The following LINGO1 variants were observed in gnomAD, a reference collection of about 807,000 sequenced individuals.
LINGO1 encodes the protein leucine rich repeat and Ig domain containing 1.
A neutral mutation model predicts 37.3 loss-of-function variants in LINGO1; 11 were observed. The ratio of observed to expected loss-of-function variants is 0.29; its 90% CI spans 0.19 to 0.49. The LOEUF (loss-of-function observed/expected upper bound fraction) is 0.49, where lower values mean the gene tolerates loss of function less well. Ranked by LOEUF, LINGO1 falls within the 20% of genes least tolerant of loss-of-function variation. The pLI is 0.99. For missense variants in LINGO1, 585 were observed against 878.2 expected (o/e 0.67, Z 4.22); for synonymous variants, 387 against 403.0 (o/e 0.96, Z 0.48).
In LINGO1 at chr15:77,773,420, C is replaced by A. The variant is rs189914717; in HGVS notation, c.-257+13449G>T. On this transcript the variant is annotated intron_variant, in intron 1 of 3. Transcript: ENST00000561686. ...CAGCAGCCCCTGATGTTGGCAGAGT[C>A]CCGACTTTACAGATGAGGCTGGTCG... is the stretch of plus-strand genomic sequence containing the variant. Among the ~76,000 whole-genome samples the A allele has an allele frequency of 2.5e-4, 38 of 152,284 alleles. No individual in the cohort carries two copies. In the East Asian group the frequency reaches 3.7e-3, roughly 15 times the overall value.
chr15:77,677,706 C>A (rs542492430), intron 2 of LINGO1, among the ~76,000 whole-genome samples: 1 of 152,118 alleles, frequency 6.6e-6, no homozygotes, highest in Non-Finnish European at 1.5e-5. Flanking sequence ...CAGCTGACCC[C>A]GCCTTGGGAA....
upstream of LINGO1, among the ~76,000 whole-genome samples, chr15:77,699,773 A>ACCTGCACACAGTAAGCACATAC (rs2075756865): frequency 2.7e-5 from 4 of 149,878 alleles, no homozygotes; most frequent in East Asian, 2.0e-4. Flanking sequence ...ACTAACCATC[A>ACCTGCACACAGTAAGCACATAC]TTCCCCCCCT....
intron 1 of LINGO1, among the ~76,000 whole-genome samples, chr15:77,745,843 C>T (rs2076309214): frequency 6.6e-6 from 1 of 152,150 alleles, no homozygotes; most frequent in Admixed American, 6.5e-5. Context: ...TTGTGGGGGA[C>T]TGTGTGATGG....
intron 1 of LINGO1, among the ~76,000 whole-genome samples, chr15:77,759,528 G>A (rs773730634): frequency 6.6e-6 from 1 of 152,246 alleles, no homozygotes; most frequent in Non-Finnish European, 1.5e-5. Context: ...AACAGTAAGT[G>A]AGGTTGTATA....
At chr15:77,678,948 T>G (rs1293139424) in intron 2 of LINGO1, among the ~76,000 whole-genome samples, 2 of 152,328 alleles carry the variant, frequency 1.3e-5, no homozygotes, top group East Asian at 3.9e-4. Context: ...TCACCCTGGC[T>G]GGAGTGCAGT....
chr15:77,739,460 C>T (rs1304415129), intron 1 of LINGO1, among the ~76,000 whole-genome samples: 1 of 152,262 alleles, frequency 6.6e-6, no homozygotes, highest in African/African-American at 2.4e-5. Context: ...GCCCCTGGTC[C>T]TACTTCTGTG....
chr15:77,805,025 G>A (rs929261987), intron 1 of LINGO1, among the ~76,000 whole-genome samples: 1 of 152,216 alleles, frequency 6.6e-6, no homozygotes. Flanking sequence ...CCTCGGCCTG[G>A]CCTGGGTCAC....
chr15:77,655,458 C>T (rs915085344), intron 3 of LINGO1, among the ~76,000 whole-genome samples: 2 of 152,126 alleles, frequency 1.3e-5, no homozygotes, highest in Non-Finnish European at 2.9e-5. Context: ...GGTCCTACCG[C>T]CACACCTCTG....
chr15:77,735,147 C>G lies in LINGO1; in HGVS notation c.-256-94G>C, dbSNP rs140904184. On this transcript the variant is annotated intron_variant, in intron 1 of 3. Coordinates refer to the LINGO1 transcript ENST00000561686. ...CAACCCCACCCAAGTCTCTGCCCAGCCTGGGCTTCCCTGTGTACTGGGCCA... is the reference window on the plus strand; with the variant it reads ...CAACCCCACCCAAGTCTCTGCCCAGGCTGGGCTTCCCTGTGTACTGGGCCA... The G allele has an allele frequency of 2.3e-3, 353 of 152,542 alleles. 2 individuals are homozygous for G. The highest frequency in any genetic ancestry group is 8.2e-3 in the African/African-American group (342 of 41,588). The allele number at this position is 152,542 out of a possible 1,614,324, so 9.4% of individuals were successfully genotyped here. A position where few individuals can be genotyped will look rare whatever the true frequency, so the allele number is the denominator to read the frequency against.
At chr15:77,711,884 G>C (rs889464727) in intron 2 of LINGO1, among the ~76,000 whole-genome samples, 2 of 70,378 alleles carry the variant, frequency 2.8e-5, no homozygotes, top group Admixed American at 1.3e-4. Context: ...TCTCCTCTGA[G>C]GGGGGGGCAC....
chr15:77,783,998 GC>G (rs551595224), intron 1 of LINGO1, among the ~76,000 whole-genome samples: 6 of 152,254 alleles, frequency 3.9e-5, no homozygotes, highest in Non-Finnish European at 7.3e-5. Context: ...GGGAGGGCTG[GC>G]CAGGGAGGAC....
intron 2 of LINGO1, among the ~76,000 whole-genome samples, chr15:77,702,771 C>A (rs1160764638): frequency 6.6e-6 from 1 of 152,206 alleles, no homozygotes; most frequent in Non-Finnish European, 1.5e-5. Flanking sequence ...TCTTCCCAAT[C>A]CCTGATCCTA....
chr15:77,758,492 G>A (rs2076442466), intron 1 of LINGO1, among the ~76,000 whole-genome samples: 1 of 152,194 alleles, frequency 6.6e-6, no homozygotes, highest in South Asian at 2.1e-4. Flanking sequence ...CCCTGGAAGA[G>A]AGAGACAGCT....
At chr15:77,644,430 A>C (rs1224134143) in intron 3 of LINGO1, among the ~76,000 whole-genome samples, 2 of 152,152 alleles carry the variant, frequency 1.3e-5, no homozygotes, top group African/African-American at 4.8e-5. Flanking sequence ...GTGGTCGAGG[A>C]GGGGTACCCT....
At position 77,794,590 on chromosome 15, in the gene LINGO1, A is replaced by ATT. The variant is rs370121489; in HGVS notation, c.-343+1347_-343+1348dup. The stretch of plus-strand genomic sequence containing the variant: ...CACACACATATATATATATATATAT[A>ATT]TTTTTTTTTTTTTTTGAGACGGAGT... On this transcript the variant is annotated intron_variant, in intron 2 of 5. Transcript: ENST00000562933. Among the ~76,000 whole-genome samples, 739 of 93,482 alleles carry ATT rather than the reference A, an allele frequency of 7.9e-3. 29 individuals carry two copies. The highest frequency in any genetic ancestry group is 0.029 in the African/African-American group (708 of 24,396). 61.3% of individuals were successfully genotyped at this position (93,482 alleles called of 152,430 possible). A position where few individuals can be genotyped will look rare whatever the true frequency, so the allele number is the denominator to read the frequency against.
In LINGO1 at chr15:77,815,629, T is replaced by A. The variant is rs372757862; in HGVS notation, c.-458+4629A>T. Among the ~76,000 whole-genome samples the A allele has an allele frequency of 5.9e-5, 9 of 152,270 alleles. No individual in the cohort carries two copies. In the East Asian group the frequency reaches 1.5e-3, roughly 26 times the overall value. On this transcript the variant is annotated intron_variant, in intron 1 of 5. Coordinates refer to the LINGO1 transcript ENST00000562933. ...AGGCCAGTATTGGAGGCTGCATCTA[T>A]GACTTCAGGACACTTGCCACCTCTG...
At chr15:77,724,463 C>T (rs1230342968) in intron 2 of LINGO1, among the ~76,000 whole-genome samples, 1 of 152,200 alleles carries the variant, frequency 6.6e-6, no homozygotes, top group East Asian at 1.9e-4. Context: ...TAATGTCGAA[C>T]ACATTCCCCC....
intron 1 of LINGO1, among the ~76,000 whole-genome samples, chr15:77,749,597 C>G (rs988911343): frequency 2.6e-5 from 4 of 152,208 alleles, no homozygotes; most frequent in East Asian, 3.9e-4. Flanking sequence ...TGCCATGGAC[C>G]CTTCTTAGGA....
chr15:77,766,477 T>C (rs1243533417), intron 1 of LINGO1, among the ~76,000 whole-genome samples: 1 of 152,180 alleles, frequency 6.6e-6, no homozygotes, highest in Non-Finnish European at 1.5e-5. Flanking sequence ...TTGATATGAT[T>C]TGGCTCTGTG....
Sources: allele counts gnomAD v4.1 joint callset (sites outside exome capture counted in the v4.1 genomes callset), GRCh38; gene constraint gnomAD v4.1.1; transcripts MANE v1.5; gene names NCBI Gene and HGNC (gene_info 2026-07-23, HGNC 2026-07-21).